Variants in WDPCP observed in about 807,000 individuals in gnomAD.
WDPCP encodes the protein WD repeat-containing and planar cell polarity effector protein fritz homolog.
A neutral mutation model predicts 93.1 loss-of-function variants in WDPCP; 71 were observed. The observed-to-expected ratio is 0.76, with a 90% CI of 0.63 to 0.93. The LOEUF is 0.93. Among genes scored for constraint, WDPCP ranks in the 40% least tolerant of loss-of-function variants. The pLI, the probability that WDPCP is intolerant of heterozygous loss-of-function variation, is 0.00. For missense variants in WDPCP, 844 were observed against 887.4 expected (o/e 0.95, Z 0.62); for synonymous variants, 315 against 315.0 (o/e 1.00, Z 0.00).
Position 63,604,870 on chromosome 2 carries a change from A to G in WDPCP, n.488+45789T>C, listed in dbSNP as rs767992630. 2.4e-5 allele frequency: 38 copies of G among 1,613,952 alleles called. No homozygotes were observed. Among genetic ancestry groups the G allele is most frequent in the Non-Finnish European group, 2.8e-5 (33 of 1,179,998 alleles). ...CAGCTGGCTCAAGGGAGAATTTGTC[A>G]CGGTAAGAAAAATCTGTGAGCCTTC... On this transcript the variant is annotated intron_variant and non_coding_transcript_variant, in intron 3 of 4. Transcript: ENST00000467687.
intron 2 of WDPCP, among the ~76,000 whole-genome samples, chr2:63,704,503 A>T (rs996662178): frequency 4.6e-5 from 7 of 152,202 alleles, no homozygotes; most frequent in Non-Finnish European, 2.9e-5. Context: ...TGTTTTTAGC[A>T]TGAAGGGTTG....
intron 14 of WDPCP, among the ~76,000 whole-genome samples, chr2:63,197,706 A>G (rs909567182): frequency 6.6e-6 from 1 of 152,170 alleles, no homozygotes; most frequent in African/African-American, 2.4e-5. Context: ...GCTCCCACTT[A>G]TAAGTGAGAA....
chr2:63,313,872 A>ATGTGTG (rs377622195), intron 12 of WDPCP, among the ~76,000 whole-genome samples: 2 of 101,602 alleles, frequency 2.0e-5, no homozygotes, highest in Non-Finnish European at 4.0e-5. Context: ...ATATATATAT[A>ATGTGTG]TATATATATA....
intron 12 of WDPCP, among the ~76,000 whole-genome samples, chr2:63,374,023 A>G (rs1418624086): frequency 6.7e-6 from 1 of 149,070 alleles, no homozygotes; most frequent in African/African-American, 2.5e-5. Flanking sequence ...TATATGATCA[A>G]TTTTTGTTTA....
chr2:63,503,073 C>A (rs763797861), intron 1 of WDPCP, among the ~76,000 whole-genome samples: 1 of 152,158 alleles, frequency 6.6e-6, no homozygotes, highest in Non-Finnish European at 1.5e-5. Context: ...CTTTTAAAAT[C>A]TTTTGTTTTA....
chr2:63,141,982 C>A (rs1326229032), intron 17 of WDPCP, among the ~76,000 whole-genome samples: 1 of 152,062 alleles, frequency 6.6e-6, no homozygotes, highest in East Asian at 1.9e-4. Context: ...GTTGTAATAT[C>A]TCCTGTTTCG....
At position 63,511,889 on chromosome 2, in the gene WDPCP, T is replaced by G. The variant is rs528263492; in HGVS notation, c.76-18949A>C. ...CAAGCAATTGCAACAAAAGTCAAAA[T>G]TGACAAATGGGATCTAATTAAACTA... is the stretch of plus-strand genomic sequence containing the variant. On this transcript the variant is annotated intron_variant, in intron 1 of 17. Transcript: ENST00000272321. Among the ~76,000 whole-genome samples the G allele has an allele frequency of 5.1e-4, 77 of 152,218 alleles. No individual in the cohort carries two copies. The South Asian group carries it at 0.016, about 31-fold the overall frequency.
chr2:63,672,417 T>C (rs926936005), intron 2 of WDPCP, among the ~76,000 whole-genome samples: 21 of 152,184 alleles, frequency 1.4e-4, no homozygotes, highest in Admixed American at 9.8e-4. Context: ...ATAAACATAC[T>C]TGGGGAAATT....
intron 2 of WDPCP, among the ~76,000 whole-genome samples, chr2:63,705,330 C>T (rs1365666968): frequency 6.6e-6 from 1 of 152,084 alleles, no homozygotes; most frequent in African/African-American, 2.4e-5. Context: ...TTATTTCTTG[C>T]CTTCTGCTAG....
intron 2 of WDPCP, among the ~76,000 whole-genome samples, chr2:63,722,235 G>A (rs1417169641): frequency 4.0e-5 from 6 of 150,248 alleles, no homozygotes; most frequent in African/African-American, 1.5e-4. Flanking sequence ...GCCCAGTCTG[G>A]AAAGTGAGGA....
At chr2:63,291,977 C>A (rs1363951365) in intron 13 of WDPCP, among the ~76,000 whole-genome samples, 1 of 150,610 alleles carries the variant, frequency 6.6e-6, no homozygotes, top group Non-Finnish European at 1.5e-5. Flanking sequence ...ACTAAAAATA[C>A]AAAAAATTAG....
At chr2:63,760,357 T>C (rs1016809378) in intron 2 of WDPCP, among the ~76,000 whole-genome samples, 2 of 152,062 alleles carry the variant, frequency 1.3e-5, no homozygotes, top group South Asian at 2.1e-4. Context: ...GAGGGCTTGA[T>C]TGCATCTATA....
At chr2:63,186,826 T>C (rs1674677165) in intron 14 of WDPCP, among the ~76,000 whole-genome samples, 1 of 151,114 alleles carries the variant, frequency 6.6e-6, no homozygotes, top group Admixed American at 6.6e-5. Flanking sequence ...TTTTTTTTTT[T>C]GCTTCCAAAT....
At chr2:63,231,978 C>G (rs570338767) in intron 14 of WDPCP, among the ~76,000 whole-genome samples, 1 of 152,258 alleles carries the variant, frequency 6.6e-6, no homozygotes, top group South Asian at 2.1e-4. Flanking sequence ...GGTACCAAAA[C>G]AGAGATATAG....
At chr2:63,154,774 G>A (rs1672123195) in intron 15 of WDPCP, among the ~76,000 whole-genome samples, 1 of 152,082 alleles carries the variant, frequency 6.6e-6, no homozygotes, top group East Asian at 1.9e-4. Context: ...ATGAATGAGA[G>A]TTCAGTTACT....
chr2:63,149,275 CATT>C (rs1461984128), intron 17 of WDPCP, among the ~76,000 whole-genome samples: 1 of 152,150 alleles, frequency 6.6e-6, no homozygotes, highest in Non-Finnish European at 1.5e-5. Context: ...TGTTCAACCT[CATT>C]ATTAATCAGG....
chr2:63,824,486 T>TGCTGTAA lies in WDPCP; in HGVS notation n.222+3129_222+3135dup, dbSNP rs543585562. ...CTGCTTGCGCCCAGGAGGTCCAGGC[T>TGCTGTAA]GCTGTAAGCTGTGATCACGCCACTG... On this transcript the variant is annotated intron_variant and non_coding_transcript_variant, in intron 1 of 4. Coordinates refer to the WDPCP transcript ENST00000467687. 1.4e-3 allele frequency among the ~76,000 whole-genome samples: 189 copies of TGCTGTAA among 131,852 alleles called. 1 individual carries two copies. Among genetic ancestry groups the TGCTGTAA allele is most frequent in the Middle Eastern group, 8.3e-3 (2 of 242 alleles). 86.5% of individuals were successfully genotyped at this position (131,852 alleles called of 152,430 possible).
rs373967536 is a variant in WDPCP, at chr2:63,485,003, T to G, written c.254-16A>C. The G allele has an allele frequency of 7.5e-5, 121 of 1,612,014 alleles. No homozygotes were observed. Among genetic ancestry groups the G allele is most frequent in the Non-Finnish European group, 9.7e-5 (114 of 1,178,722 alleles). ...TAATCTCGTGCTGGCAAATAAAACA[T>G]GTACTACAGTTAGTTAAACAAGATT... On this transcript the variant is annotated splice_polypyrimidine_tract_variant and intron_variant, in intron 4 of 17. Transcript: ENST00000272321.
the WDPCP span, among the ~76,000 whole-genome samples, chr2:63,834,858 C>A: frequency 6.6e-6 from 1 of 152,236 alleles, no homozygotes; most frequent in East Asian, 1.9e-4. Flanking sequence ...TCGTAGACAT[C>A]GGATATTTTT....
Sources: gnomAD v4.1 joint callset for allele counts (sites outside exome capture counted in the v4.1 genomes callset) on GRCh38, gnomAD v4.1.1 for gene constraint, MANE v1.5 for transcripts, NCBI Gene and HGNC (gene_info 2026-07-23, HGNC 2026-07-21) for gene names.